BTBD9: variants seen among roughly 807,000 people sequenced by gnomAD.
BTBD9 encodes the protein BTB/POZ domain-containing protein 9.
Under a neutral mutation model 64.3 loss-of-function variants are expected in BTBD9, and 49 were observed. The ratio of observed to expected loss-of-function variants is 0.76; its 90% CI spans 0.61 to 0.97. The LOEUF (loss-of-function observed/expected upper bound fraction) is 0.97. Ranked by LOEUF, BTBD9 falls within the 50% of genes least tolerant of loss-of-function variation. BTBD9 has a pLI of 0.00. For synonymous variants in BTBD9, 260 were observed against 274.7 expected, an observed-to-expected ratio of 0.95 and a Z score of 0.53; for missense variants, 598 against 762.1, an observed-to-expected ratio of 0.78 and a Z score of 2.53.
intron 6 of BTBD9, among the ~76,000 whole-genome samples, chr6:38,427,904 T>C (rs1768246736): frequency 6.6e-6 from 1 of 152,022 alleles, no homozygotes; most frequent in Admixed American, 6.5e-5. Flanking sequence ...TCCTGTATGC[T>C]TAACCTTCAT....
At chr6:38,537,173 G>A (rs1229048970) in intron 6 of BTBD9, among the ~76,000 whole-genome samples, 2 of 152,218 alleles carry the variant, frequency 1.3e-5, no homozygotes, top group South Asian at 2.1e-4. Flanking sequence ...TAGAATTGTT[G>A]CACTGTTTTG....
At chr6:38,235,976 G>A (rs1763764499) in intron 9 of BTBD9, among the ~76,000 whole-genome samples, 1 of 152,282 alleles carries the variant, frequency 6.6e-6, no homozygotes, top group East Asian at 1.9e-4. Flanking sequence ...AGGTAGAAAG[G>A]GTAGGCTTTA....
At chr6:38,300,063 G>GCTTTCT (rs1057424291) in intron 7 of BTBD9, among the ~76,000 whole-genome samples, 1 of 152,168 alleles carries the variant, frequency 6.6e-6, no homozygotes, top group Non-Finnish European at 1.5e-5. Context: ...TCTAGTTTCA[G>GCTTTCT]CTTTCTACAT....
intron 7 of BTBD9, among the ~76,000 whole-genome samples, chr6:38,328,669 C>T (rs1173472186): frequency 1.6e-4 from 24 of 147,526 alleles, no homozygotes; most frequent in Non-Finnish European, 4.4e-5. Flanking sequence ...TATTTGGGGC[C>T]GGGCGCGGTG....
chr6:38,632,170 T>C (rs997741772), intron 1 of BTBD9, among the ~76,000 whole-genome samples: 9 of 152,256 alleles, frequency 5.9e-5, no homozygotes, highest in Admixed American at 3.3e-4. Flanking sequence ...AATTTTGGGA[T>C]AATTTGTTAC....
intron 9 of BTBD9, among the ~76,000 whole-genome samples, chr6:38,220,497 G>A (rs1221062085): frequency 6.6e-6 from 1 of 152,124 alleles, no homozygotes; most frequent in Admixed American, 6.6e-5. Context: ...ATTTGTACTG[G>A]CCAACAGGGA....
At chr6:38,221,688 C>T (rs766964512) in intron 9 of BTBD9, among the ~76,000 whole-genome samples, 75 of 152,314 alleles carry the variant, frequency 4.9e-4, no homozygotes, top group Non-Finnish European at 9.0e-4. Context: ...ATAAGCAATG[C>T]TGTAAGAGAT....
intron 7 of BTBD9, among the ~76,000 whole-genome samples, chr6:38,292,723 G>C (rs1456730190): frequency 6.6e-6 from 1 of 151,740 alleles, no homozygotes; most frequent in African/African-American, 2.4e-5. Flanking sequence ...TTCTTTATTA[G>C]TCTGGCTAGT....
chr6:38,247,099 A>G (rs1764235003), intron 9 of BTBD9, among the ~76,000 whole-genome samples: 1 of 152,204 alleles, frequency 6.6e-6, no homozygotes, highest in Admixed American at 6.5e-5. Context: ...CAAAGCAGGC[A>G]AAAAACAAAT....
At chr6:38,313,979 G>T (rs1762942887) in intron 7 of BTBD9, among the ~76,000 whole-genome samples, 1 of 151,742 alleles carries the variant, frequency 6.6e-6, no homozygotes, top group Non-Finnish European at 1.5e-5. Context: ...GACCTCAGGT[G>T]ATCCACCTGC....
At chr6:38,195,385 C>G (rs1352370547) in intron 9 of BTBD9, among the ~76,000 whole-genome samples, 3 of 152,172 alleles carry the variant, frequency 2.0e-5, no homozygotes, top group Admixed American at 1.3e-4. Context: ...GGCAAAACCT[C>G]CAGGAAAGAC....
chr6:38,280,698 T>A (rs1481924378), intron 8 of BTBD9, among the ~76,000 whole-genome samples: 2 of 152,234 alleles, frequency 1.3e-5, no homozygotes, highest in Non-Finnish European at 2.9e-5. Context: ...CATTTTTACC[T>A]GTGCTAATGT....
chr6:38,353,311 T>C (rs1764595744), intron 6 of BTBD9, among the ~76,000 whole-genome samples: 1 of 152,158 alleles, frequency 6.6e-6, no homozygotes, highest in South Asian at 2.1e-4. Context: ...TTTTGTTCTT[T>C]CCATTTTTTT....
At position 38,594,267 on chromosome 6, in the gene BTBD9, G is replaced by A. The variant is rs771483663; in HGVS notation, c.246C>T (p.Asp82=). 17 of 1,614,100 alleles carry A rather than the reference G, an allele frequency of 1.1e-5. No individual in the cohort carries two copies. The African/African-American group carries it at 1.3e-4, about 13-fold the overall frequency. ...GCATTGTGAATGCTTCTGCAGTGGTGTCTTGGAGAGGAATTTCTGCTTCAG... is the reference window on the plus strand; with the variant it reads ...GCATTGTGAATGCTTCTGCAGTGGTATCTTGGAGAGGAATTTCTGCTTCAG... ...SQPEAEIPLQ[D]TTAEAFTMLL... The change falls in exon 3 of 11, where the codon GAC becomes GAT. Residue 82 remains aspartate (D), a synonymous_variant. Transcript: ENST00000481247.
At chr6:38,442,484 CTA>C (rs138776105) in intron 6 of BTBD9, among the ~76,000 whole-genome samples, 1 of 151,426 alleles carries the variant, frequency 6.6e-6, no homozygotes, top group African/African-American at 2.4e-5. Context: ...AAAAGTCGTA[CTA>C]TATATATATT....
At chr6:38,446,985 C>T (rs967061087) in intron 6 of BTBD9, among the ~76,000 whole-genome samples, 2 of 152,166 alleles carry the variant, frequency 1.3e-5, no homozygotes, top group Non-Finnish European at 2.9e-5. Flanking sequence ...CTCAAAACTC[C>T]TTGGTTTAAA....
Position 38,495,590 on chromosome 6 carries a change from A to G in BTBD9, c.1154+82010T>C, listed in dbSNP as rs115253311. Among the ~76,000 whole-genome samples the G allele has an allele frequency of 3.9e-4, 59 of 152,332 alleles. 1 individual carries two copies. Among genetic ancestry groups the G allele is most frequent in the Middle Eastern group, 3.4e-3 (1 of 294 alleles). The stretch of plus-strand genomic sequence containing the variant: ...AAAAGGAACAGAATTGGCATTTGTT[A>G]TGTGCTTCATGTGCTACTGGTTGCA... On this transcript the variant is annotated intron_variant, in intron 6 of 10. Transcript: ENST00000481247.
intron 6 of BTBD9, among the ~76,000 whole-genome samples, chr6:38,528,276 G>C (rs6904284): frequency 0.015 from 2,245 of 152,296 alleles, 41 homozygotes; most frequent in African/African-American, 0.05. Flanking sequence ...CTCAGAACCT[G>C]AGTCCTGGCA....
At chr6:38,603,443 T>C (rs1465325554) in intron 1 of BTBD9, among the ~76,000 whole-genome samples, 3 of 152,234 alleles carry the variant, frequency 2.0e-5, no homozygotes, top group East Asian at 3.8e-4. Flanking sequence ...TAATAAACAA[T>C]GTCCATCAAT....
Sources: gnomAD v4.1 joint callset for allele counts (sites outside exome capture counted in the v4.1 genomes callset) on GRCh38, gnomAD v4.1.1 for gene constraint, MANE v1.5 for transcripts, NCBI Gene and HGNC (gene_info 2026-07-23, HGNC 2026-07-21) for gene names.